Variants in ATP5MJ observed in about 807,000 individuals in gnomAD.
ATP5MJ encodes ATP synthase membrane subunit j, also known as ATP synthase F(0) complex subunit j, mitochondrial.
In ATP5MJ, 4 loss-of-function variants were observed where a neutral mutation model predicts 8.3. The ratio of observed to expected loss-of-function variants is 0.48; its 90% CI spans 0.24 to 1.11. The LOEUF is 1.11. Ranked by LOEUF, ATP5MJ falls within the 50% of genes least tolerant of loss-of-function variation. The pLI, the probability that ATP5MJ is intolerant of heterozygous loss-of-function variation, is 0.18. For missense variants in ATP5MJ, 66 were observed against 71.8 expected (o/e 0.92, Z 0.29); for synonymous variants, 23 against 21.3 (o/e 1.08, Z -0.23).
chr14:103,920,581 C>T (rs1026917221), intron 1 of ATP5MJ, among the ~76,000 whole-genome samples: 5 of 151,052 alleles, frequency 3.3e-5, no homozygotes, highest in African/African-American at 1.2e-4. Flanking sequence ...AAGCGATTCT[C>T]CTGCCTCAGC....
intron 2 of ATP5MJ, chr14:103,914,837 CAAAAAAAAA>C: frequency 5.4e-6 from 1 of 186,150 alleles, no homozygotes; most frequent in Admixed American, 1.6e-4. Context: ...AGACTGTCTC[CAAAAAAAAA>C]AAAAAAAAAA....
At chr14:103,915,397 A>G (rs1338819956) in intron 1 of ATP5MJ, among the ~76,000 whole-genome samples, 1 of 151,936 alleles carries the variant, frequency 6.6e-6, no homozygotes, top group Non-Finnish European at 1.5e-5. Context: ...CCCAGGCTGG[A>G]GTGCAGTGGC....
At position 103,913,664 on chromosome 14, in the gene ATP5MJ, T is replaced by G. The variant is rs1415331984; in HGVS notation, c.148+297A>C. 5.7e-6 allele frequency: 3 copies of G among 526,994 alleles called. No individual in the cohort carries two copies. The African/African-American group carries it at 5.8e-5, about 10-fold the overall frequency. The allele number at this position is 526,994 out of a possible 1,614,324, so 32.6% of individuals were successfully genotyped here. On this transcript the variant is annotated intron_variant, in intron 3 of 3. Coordinates refer to ENST00000286953, the MANE Select transcript of ATP5MJ (RefSeq NM_004894.3). ...TCATTAGGGAACTTCTAGGACAGCATGCTTGCACAGCTCACTTGTGCTTCC... is the reference window on the plus strand; with the variant it reads ...TCATTAGGGAACTTCTAGGACAGCAGGCTTGCACAGCTCACTTGTGCTTCC...
chr14:103,920,084 C>A (rs1206376480), intron 1 of ATP5MJ, among the ~76,000 whole-genome samples: 1 of 151,312 alleles, frequency 6.6e-6, no homozygotes, highest in Admixed American at 6.6e-5. Context: ...CTCAGCCTCC[C>A]AAAGGGCTGG....
chr14:103,920,807 C>T (rs1224200952), intron 1 of ATP5MJ: 1 of 776,020 alleles, frequency 1.3e-6, no homozygotes, highest in Non-Finnish European at 2.3e-6. Context: ...AGGCACATTT[C>T]CTAGCTGTGT....
At chr14:103,914,149 T>C in intron 2 of ATP5MJ, 165 bp from the exon 3 acceptor site, 1 of 656,150 alleles carries the variant, frequency 1.5e-6, no homozygotes, top group East Asian at 2.7e-5. Flanking sequence ...CTACCAAAGA[T>C]GTTCTATGAA....
At chr14:103,915,630 GA>G (rs1361980804) in intron 1 of ATP5MJ, among the ~76,000 whole-genome samples, 1 of 151,496 alleles carries the variant, frequency 6.6e-6, no homozygotes, top group Non-Finnish European at 1.5e-5. Context: ...TTATAGGTGT[GA>G]GCCACTGTGC....
At chr14:103,914,835 TC>T (rs1156311120) in intron 2 of ATP5MJ, 1 of 225,836 alleles carries the variant, frequency 4.4e-6, no homozygotes, top group Non-Finnish European at 6.8e-6. Context: ...AGAGACTGTC[TC>T]CAAAAAAAAA....
In ATP5MJ at chr14:103,917,702, CTA is replaced by C. The variant is rs1299418770; in HGVS notation, c.1-2515_1-2514del. The stretch of plus-strand genomic sequence containing the variant: ...CAAGAATGGGGAGGCCAGGCCGGAG[CTA>C]CAGCAGGGACTGCCCTGATTGTGGT... On this transcript the variant is annotated intron_variant, in intron 1 of 3. Coordinates refer to ENST00000286953, the MANE Select transcript of ATP5MJ (RefSeq NM_004894.3). Among the ~76,000 whole-genome samples the C allele has an allele frequency of 2.0e-5, 3 of 152,296 alleles. No individual in the cohort carries two copies. The East Asian group carries it at 5.8e-4, about 29-fold the overall frequency.
chr14:103,914,844 AAAAAAAAAAAAAAGAAAAGAAAAG>A (rs1421911658), intron 2 of ATP5MJ, 198 bp downstream of exon 2: 1 of 425,174 alleles, frequency 2.4e-6, no homozygotes, highest in African/African-American at 2.3e-5. Context: ...CTCCAAAAAA[AAAAAAAAAAAAAAGAAAAGAAAAG>A]AAAAAAAAAA....
chr14:103,914,311 A>T, intron 2 of ATP5MJ: 1 of 546,748 alleles, frequency 1.8e-6, no homozygotes, highest in Non-Finnish European at 3.2e-6. Flanking sequence ...ACTGAGAACC[A>T]AGTGGTTATT....
At chr14:103,915,759 G>A (rs1018158728) in intron 1 of ATP5MJ, among the ~76,000 whole-genome samples, 1 of 151,604 alleles carries the variant, frequency 6.6e-6, no homozygotes, top group African/African-American at 2.4e-5. Context: ...AAAGTGCTAG[G>A]ATTACGGTGT....
chr14:103,912,988 TAC>T, intron 3 of ATP5MJ: 1 of 379,388 alleles, frequency 2.6e-6, no homozygotes, highest in South Asian at 4.8e-5. Flanking sequence ...TTCAAATGGC[TAC>T]AGTTTCATTG....
intron 1 of ATP5MJ, chr14:103,920,979 A>G (rs2087673048): frequency 6.4e-7 from 1 of 1,551,708 alleles, no homozygotes; most frequent in Non-Finnish European, 8.7e-7. Flanking sequence ...CGCGAGTTCC[A>G]TACAATTTCA....
At chr14:103,914,023 T>C (rs2087603235) in intron 2 of ATP5MJ, 39 bp from the exon 3 acceptor site, 1 of 1,574,294 alleles carries the variant, frequency 6.4e-7, no homozygotes, top group Non-Finnish European at 8.7e-7. Flanking sequence ...GTCATATCAA[T>C]GCTTTACAAA....
intron 1 of ATP5MJ, among the ~76,000 whole-genome samples, chr14:103,916,364 A>G (rs916569519): frequency 1.7e-4 from 26 of 152,300 alleles, no homozygotes; most frequent in African/African-American, 5.5e-4. Context: ...GCTTTTTAAC[A>G]TCTGAAGTGG....
chr14:103,912,467 C>T lies in ATP5MJ; in HGVS notation c.*199G>A, dbSNP rs375496984. Reference sequence around the variant, plus strand: ...TTATCTACTCAGAGTATGCCTGACACGCCGGAGGGGCTGAGGGGGAACACA... The same window carrying T: ...TTATCTACTCAGAGTATGCCTGACATGCCGGAGGGGCTGAGGGGGAACACA... On this transcript the variant is annotated 3_prime_UTR_variant, in exon 4 of 4. Transcript: ENST00000286953. The T allele has an allele frequency of 1.8e-5, 11 of 619,984 alleles. No homozygotes were observed. The highest frequency in any genetic ancestry group is 2.7e-5 in the Admixed American group (1 of 36,538). The allele number at this position is 619,984 out of a possible 1,614,324, so 38.4% of individuals were successfully genotyped here. A position where few individuals can be genotyped will look rare whatever the true frequency, so the allele number is the denominator to read the frequency against.
chr14:103,918,709 G>A (rs191554096), intron 1 of ATP5MJ, among the ~76,000 whole-genome samples: 85 of 152,250 alleles, frequency 5.6e-4, no homozygotes, highest in African/African-American at 2.0e-3. Flanking sequence ...TGCCCCCAGA[G>A]GGCTGTCAAT....
chr14:103,919,582 C>G (rs137935077), intron 1 of ATP5MJ, among the ~76,000 whole-genome samples: 1 of 152,104 alleles, frequency 6.6e-6, no homozygotes, highest in East Asian at 1.9e-4. Flanking sequence ...AGGAAAAGGG[C>G]AAAGTAAACT....
Sources: gnomAD v4.1 joint callset for allele counts (sites outside exome capture counted in the v4.1 genomes callset) on GRCh38, gnomAD v4.1.1 for gene constraint, MANE v1.5 for transcripts, NCBI Gene and HGNC (gene_info 2026-07-23, HGNC 2026-07-21) for gene names.